LRRIQ3: variants seen among roughly 807,000 people sequenced by gnomAD.
The protein encoded by LRRIQ3 is leucine-rich repeat and IQ domain-containing protein 3.
Under a neutral mutation model 59.3 loss-of-function variants are expected in LRRIQ3, and 75 were observed. The ratio of observed to expected loss-of-function variants is 1.26; its 90% CI spans 1.05 to 1.53. LRRIQ3 has a LOEUF of 1.53. Ranked by LOEUF, LRRIQ3 falls within the 40% of genes most tolerant of loss-of-function variation. The probability of loss-of-function intolerance (pLI) is 0.00; values close to 1 mark genes in which losing one functional copy is unlikely to be tolerated. For missense variants in LRRIQ3, 831 were observed against 710.0 expected, an observed-to-expected ratio of 1.17 and a Z score of -1.94; for synonymous variants, 250 against 231.3, an observed-to-expected ratio of 1.08 and a Z score of -0.73.
chr1:74,153,397 T>C (rs754146741), intron 4 of LRRIQ3, among the ~76,000 whole-genome samples: 19 of 152,118 alleles, frequency 1.2e-4, no homozygotes, highest in South Asian at 4.1e-4. Context: ...TGCCTAGAAA[T>C]AGAGACACAA....
chr1:74,150,007 C>T (rs1570214227), intron 4 of LRRIQ3, among the ~76,000 whole-genome samples: 1 of 152,276 alleles, frequency 6.6e-6, no homozygotes, highest in East Asian at 1.9e-4. Flanking sequence ...AAGGGGAATT[C>T]TGGCTAACGA....
At chr1:74,028,523 A>T (rs1478517037) in intron 7 of LRRIQ3, among the ~76,000 whole-genome samples, 1 of 152,048 alleles carries the variant, frequency 6.6e-6, no homozygotes, top group South Asian at 2.1e-4. Flanking sequence ...ACGGGAAGAA[A>T]GATTAGAGTT....
At chr1:74,058,983 T>G (rs1654620454) in intron 6 of LRRIQ3, among the ~76,000 whole-genome samples, 1 of 152,054 alleles carries the variant, frequency 6.6e-6, no homozygotes, top group African/African-American at 2.4e-5. Context: ...CTGTCTGTGT[T>G]TTTTATTATA....
chr1:74,179,442 C>T (rs528428880), intron 3 of LRRIQ3, among the ~76,000 whole-genome samples: 1 of 152,026 alleles, frequency 6.6e-6, no homozygotes, highest in South Asian at 2.1e-4. Context: ...TATATTCAAG[C>T]TCTCCTTGAA....
intron 1 of LRRIQ3, among the ~76,000 whole-genome samples, chr1:74,195,683 C>T (rs907065468): frequency 6.6e-6 from 1 of 152,162 alleles, no homozygotes; most frequent in African/African-American, 2.4e-5. Flanking sequence ...GTATGTTCAA[C>T]ATCTTTTTAA....
At chr1:74,047,559 T>C (rs933037468) in intron 6 of LRRIQ3, among the ~76,000 whole-genome samples, 4 of 152,020 alleles carry the variant, frequency 2.6e-5, no homozygotes, top group African/African-American at 7.3e-5. Context: ...ACCTGCACGT[T>C]CTGCACATGT....
chr1:74,029,252 T>C (rs960538077), intron 7 of LRRIQ3, among the ~76,000 whole-genome samples: 4 of 152,144 alleles, frequency 2.6e-5, no homozygotes, highest in African/African-American at 9.7e-5. Flanking sequence ...CAACACTATG[T>C]TGAATAGGAG....
At chr1:74,084,707 T>C (rs1646308497) in intron 5 of LRRIQ3, among the ~76,000 whole-genome samples, 1 of 151,746 alleles carries the variant, frequency 6.6e-6, no homozygotes, top group Non-Finnish European at 1.5e-5. Flanking sequence ...AATTGTCATA[T>C]ATACCAAGTA....
At position 74,026,860 on chromosome 1, in the gene LRRIQ3, C is replaced by T; in HGVS notation, c.1828G>A (p.Val610Met). The change falls in exon 8 of 8, where the codon GTG (valine) becomes ATG (methionine). Residue 610 changes from valine to methionine, a missense_variant. Coordinates refer to ENST00000354431, the MANE Select transcript of LRRIQ3 (RefSeq NM_001105659.2). ...LQDAKTKVAI[V>M]KTNLDFKVPN... ...ACTTTAAAGTCTAAATTTGTTTTCACAATTGCTACTTTTGTTTTAGCATCT... is the reference window on the plus strand; with the variant it reads ...ACTTTAAAGTCTAAATTTGTTTTCATAATTGCTACTTTTGTTTTAGCATCT... 1 of 1,608,830 alleles carries T rather than the reference C, an allele frequency of 6.2e-7. No homozygotes were observed.
At chr1:74,128,454 C>G (rs992795866) in intron 4 of LRRIQ3, among the ~76,000 whole-genome samples, 4 of 151,992 alleles carry the variant, frequency 2.6e-5, no homozygotes, top group Non-Finnish European at 5.9e-5. Flanking sequence ...TTTAATTATT[C>G]AATATGTTTG....
intron 5 of LRRIQ3, among the ~76,000 whole-genome samples, chr1:74,105,613 T>C (rs906474312): frequency 6.6e-6 from 1 of 151,926 alleles, no homozygotes; most frequent in African/African-American, 2.4e-5. Context: ...AAAATTATAA[T>C]AGATTTAAAT....
intron 1 of LRRIQ3, among the ~76,000 whole-genome samples, chr1:74,194,457 A>G (rs1650968914): frequency 6.6e-6 from 1 of 152,184 alleles, no homozygotes. Flanking sequence ...GTCATTCAGA[A>G]CAAGGAATCA....
chr1:74,066,216 C>T (rs1022624393), intron 6 of LRRIQ3, among the ~76,000 whole-genome samples: 1 of 149,498 alleles, frequency 6.7e-6, no homozygotes, highest in Non-Finnish European at 1.5e-5. Flanking sequence ...TAAAAATGTA[C>T]CCATACCTTA....
intron 4 of LRRIQ3, among the ~76,000 whole-genome samples, chr1:74,135,730 G>C (rs956404544): frequency 3.3e-5 from 5 of 151,858 alleles, no homozygotes; most frequent in Admixed American, 1.3e-4. Flanking sequence ...ATGAGATGTA[G>C]CTAAAGCAGT....
intron 4 of LRRIQ3, among the ~76,000 whole-genome samples, chr1:74,110,966 G>A (rs1297953333): frequency 6.6e-6 from 1 of 151,986 alleles, no homozygotes; most frequent in Non-Finnish European, 1.5e-5. Context: ...ATAAGGAAAC[G>A]TGAAAACAAA....
chr1:74,176,547 A>G (rs1331917132), intron 3 of LRRIQ3, among the ~76,000 whole-genome samples: 4 of 152,106 alleles, frequency 2.6e-5, no homozygotes, highest in Non-Finnish European at 5.9e-5. Flanking sequence ...GCACCTTTTC[A>G]GTGCTGCACT....
chr1:74,172,582 T>G (rs1466601193), intron 3 of LRRIQ3, among the ~76,000 whole-genome samples: 1 of 152,154 alleles, frequency 6.6e-6, no homozygotes, highest in African/African-American at 2.4e-5. Context: ...TACATGTCTG[T>G]TAGGTATATT....
chr1:74,182,762 C>T lies in LRRIQ3; in HGVS notation c.349G>A (p.Val117Ile). 6.2e-7 allele frequency: 1 copy of T among 1,611,394 alleles called. No individual in the cohort carries two copies. Among genetic ancestry groups the T allele is most frequent in the Non-Finnish European group, 8.5e-7 (1 of 1,178,204 alleles). The stretch of plus-strand genomic sequence containing the variant: ...ATGAGGGTTGGACAGGCAGATAATA[C>T]ACATATATTCTTTAACTTTGCAAAC... ...NGFAKLKNIC[V>I]LSACPTLIAL... The change falls in exon 3 of 8, where the codon GTA (valine) becomes ATA (isoleucine). Residue 117 changes from valine (V) to isoleucine (I), a missense_variant. Val to Ile is a conservative substitution (Grantham distance 29). Coordinates refer to ENST00000354431, the MANE Select transcript of LRRIQ3 (RefSeq NM_001105659.2).
At chr1:74,131,462 T>C (rs1647018918) in intron 4 of LRRIQ3, among the ~76,000 whole-genome samples, 2 of 152,282 alleles carry the variant, frequency 1.3e-5, no homozygotes, top group African/African-American at 4.8e-5. Context: ...TGAACATCAA[T>C]GCAAAATTCC....
Sources: gnomAD v4.1 joint callset for allele counts (sites outside exome capture counted in the v4.1 genomes callset) on GRCh38, gnomAD v4.1.1 for gene constraint, MANE v1.5 for transcripts, NCBI Gene and HGNC (gene_info 2026-07-23, HGNC 2026-07-21) for gene names.